Variants in EPHA6 observed in about 807,000 individuals in gnomAD.
The protein encoded by EPHA6 is EPH receptor A6, also known as ephrin type-A receptor 6.
A neutral mutation model predicts 112.0 loss-of-function variants in EPHA6; 50 were observed. The ratio of observed to expected loss-of-function variants is 0.45; its 90% CI spans 0.36 to 0.56. The LOEUF (loss-of-function observed/expected upper bound fraction) is 0.56. Among genes scored for constraint, EPHA6 ranks in the 20% least tolerant of loss-of-function variants. The pLI is 0.00. For missense variants in EPHA6, 1,280 were observed against 1,417.4 expected (o/e 0.90, Z 1.56); for synonymous variants, 529 against 490.7 (o/e 1.08, Z -1.03).
intron 3 of EPHA6, among the ~76,000 whole-genome samples, chr3:97,046,317 G>A (rs2045505141): frequency 6.6e-6 from 1 of 152,082 alleles, no homozygotes; most frequent in Non-Finnish European, 1.5e-5. Flanking sequence ...AATTAAAGGA[G>A]AAATATGATC....
At chr3:96,948,284 A>T (rs2041373630) in intron 2 of EPHA6, among the ~76,000 whole-genome samples, 1 of 152,148 alleles carries the variant, frequency 6.6e-6, no homozygotes, top group African/African-American at 2.4e-5. Context: ...TGTGTCATTG[A>T]GGAAAATTTC....
chr3:97,149,767 A>G (rs1386994670), intron 3 of EPHA6, among the ~76,000 whole-genome samples: 2 of 151,548 alleles, frequency 1.3e-5, no homozygotes, highest in African/African-American at 2.4e-5. Context: ...AAGATGGTCA[A>G]ATTTATTATC....
At chr3:96,973,836 A>G (rs2042410709) in intron 2 of EPHA6, among the ~76,000 whole-genome samples, 1 of 146,968 alleles carries the variant, frequency 6.8e-6, no homozygotes. Context: ...AAAAAAAAAA[A>G]AAAAGAAAAA....
intron 14 of EPHA6, among the ~76,000 whole-genome samples, chr3:97,713,800 T>C (rs1452217575): frequency 1.3e-5 from 2 of 152,152 alleles, no homozygotes; most frequent in African/African-American, 4.8e-5. Context: ...ATCAGGCTGG[T>C]CAAGCTGCAG....
intron 10 of EPHA6, among the ~76,000 whole-genome samples, chr3:97,492,799 TTAAAGA>T (rs2091883374): frequency 6.6e-6 from 1 of 151,820 alleles, no homozygotes; most frequent in African/African-American, 2.4e-5. Flanking sequence ...AGATATACTG[TTAAAGA>T]TAAGGATTGT....
At chr3:97,127,242 G>GTAATA (rs2048207837) in intron 3 of EPHA6, among the ~76,000 whole-genome samples, 1 of 152,152 alleles carries the variant, frequency 6.6e-6, no homozygotes, top group Non-Finnish European at 1.5e-5. Flanking sequence ...TAATAAACTG[G>GTAATA]GAGGGAACTT....
intron 10 of EPHA6, among the ~76,000 whole-genome samples, chr3:97,519,788 A>T (rs1038308882): frequency 6.6e-6 from 1 of 151,580 alleles, no homozygotes; most frequent in South Asian, 2.1e-4. Context: ...GTAGTTTATT[A>T]TTGGTGTGTA....
intron 2 of EPHA6, among the ~76,000 whole-genome samples, chr3:96,940,650 G>A (rs2040886705): frequency 6.6e-6 from 1 of 152,134 alleles, no homozygotes; most frequent in Non-Finnish European, 1.5e-5. Flanking sequence ...TATGATGTTA[G>A]CTGGTTATTT....
intron 5 of EPHA6, among the ~76,000 whole-genome samples, chr3:97,255,342 C>T (rs180808260): frequency 1.1e-4 from 17 of 152,182 alleles, no homozygotes; most frequent in Admixed American, 5.2e-4. Context: ...ATTCTGGCAA[C>T]AGTAATGGTT....
chr3:97,481,148 G>C, intron 9 of EPHA6: 2 of 730,474 alleles, frequency 2.7e-6, no homozygotes, highest in Admixed American at 3.9e-5. Flanking sequence ...AGGTTGTAGA[G>C]AGCCGAGATC....
At chr3:97,222,715 T>G (rs1395833485) in intron 3 of EPHA6, among the ~76,000 whole-genome samples, 3 of 152,228 alleles carry the variant, frequency 2.0e-5, no homozygotes, top group Non-Finnish European at 4.4e-5. Context: ...ATGCATAATC[T>G]TCTACAGGAA....
At chr3:97,101,885 C>T (rs1250954327) in intron 3 of EPHA6, among the ~76,000 whole-genome samples, 1 of 152,028 alleles carries the variant, frequency 6.6e-6, no homozygotes, top group Non-Finnish European at 1.5e-5. Context: ...CTGCCACTTA[C>T]TATTTTGACT....
chr3:96,892,950 ATATATGTGTG>A (rs1559806762), intron 2 of EPHA6, among the ~76,000 whole-genome samples: 1 of 136,346 alleles, frequency 7.3e-6, no homozygotes, highest in African/African-American at 3.4e-5. Context: ...TTATATATAT[ATATATGTGTG>A]TGTGTGTGTG....
intron 1 of EPHA6, 64 bp downstream of exon 1, chr3:96,815,072 A>G (rs2032654053): frequency 1.4e-6 from 2 of 1,412,874 alleles, no homozygotes; most frequent in African/African-American, 1.4e-5. Flanking sequence ...GAACCAGGGT[A>G]CTGGTTGCCT....
At chr3:97,253,043 A>G (rs2079189074) in intron 5 of EPHA6, among the ~76,000 whole-genome samples, 1 of 152,310 alleles carries the variant, frequency 6.6e-6, no homozygotes, top group African/African-American at 2.4e-5. Context: ...GATGGTTGCT[A>G]TGGAGCAGCT....
At chr3:96,995,100 T>C (rs903699460) in intron 3 of EPHA6, among the ~76,000 whole-genome samples, 1 of 151,992 alleles carries the variant, frequency 6.6e-6, no homozygotes, top group Admixed American at 6.6e-5. Flanking sequence ...TTTAGTGACA[T>C]TGTATTGATT....
intron 2 of EPHA6, among the ~76,000 whole-genome samples, chr3:96,893,267 A>T (rs1393004721): frequency 6.6e-6 from 1 of 152,186 alleles, no homozygotes. Flanking sequence ...TATTTACTAT[A>T]CTACCCTCTT....
chr3:97,299,914 CT>C (rs1163278913), intron 5 of EPHA6, among the ~76,000 whole-genome samples: 25 of 152,088 alleles, frequency 1.6e-4, no homozygotes, highest in Admixed American at 4.6e-4. Flanking sequence ...TTAACTGAAC[CT>C]ACTGAATAAT....
chr3:96,907,115 T>G (rs2038975430), intron 2 of EPHA6, among the ~76,000 whole-genome samples: 1 of 151,872 alleles, frequency 6.6e-6, no homozygotes, highest in Non-Finnish European at 1.5e-5. Context: ...TCTGCAGAAA[T>G]TAAAAAAACA....
Sources: gnomAD v4.1 joint callset for allele counts (sites outside exome capture counted in the v4.1 genomes callset) on GRCh38, gnomAD v4.1.1 for gene constraint, MANE v1.5 for transcripts, NCBI Gene and HGNC (gene_info 2026-07-23, HGNC 2026-07-21) for gene names.